The following CIB1 variants were observed in gnomAD, a reference collection of about 807,000 sequenced individuals.
CIB1 encodes calcium and integrin-binding protein 1.
Under a neutral mutation model 25.0 loss-of-function variants are expected in CIB1, and 19 were observed. The ratio of observed to expected loss-of-function variants is 0.76; its 90% CI spans 0.53 to 1.12. CIB1 has a LOEUF of 1.12. Among genes scored for constraint, CIB1 ranks in the 50% most tolerant of loss-of-function variants. CIB1 has a pLI of 0.00. For synonymous variants in CIB1, 104 were observed against 98.5 expected (o/e 1.06, Z -0.33); for missense variants, 236 against 242.6 (o/e 0.97, Z 0.18).
chr15:90,262,918 G>C, the CIB1 span: 2,391 of 1,514,252 alleles, frequency 1.6e-3, 24 homozygotes, highest in African/African-American at 0.028. Flanking sequence ...GTGATGGTTT[G>C]GGACTTATCC....
At chr15:90,253,341 C>A in the CIB1 span, 1 of 1,613,182 alleles carries the variant, frequency 6.2e-7, no homozygotes, top group Admixed American at 1.7e-5. Flanking sequence ...CTCACTGGAA[C>A]GAGTCATGGA....
chr15:90,258,234 T>C, the CIB1 span: 1 of 1,614,232 alleles, frequency 6.2e-7, no homozygotes, highest in Non-Finnish European at 8.5e-7. Flanking sequence ...TTTTGACATC[T>C]TGCTGGACCA....
At chr15:90,241,292 G>C in the CIB1 span, 3 of 1,614,158 alleles carry the variant, frequency 1.9e-6, no homozygotes, top group Non-Finnish European at 2.5e-6. Flanking sequence ...ACTTCAACAA[G>C]ATCCGGCCCG....
chr15:90,231,273 A>C, intron 4 of CIB1, 60 bp from the exon 5 acceptor site: 35 of 1,607,910 alleles, frequency 2.2e-5, no homozygotes, highest in Non-Finnish European at 2.8e-5. Context: ...AGGTTCCCCA[A>C]ACGGCGCCCA....
chr15:90,248,049 GT>G, the CIB1 span, among the ~76,000 whole-genome samples: 1 of 151,624 alleles, frequency 6.6e-6, no homozygotes, highest in African/African-American at 2.4e-5. Flanking sequence ...CCAGATATTT[GT>G]TTTTTTAAAT....
chr15:90,248,515 G>T, the CIB1 span, among the ~76,000 whole-genome samples: 2 of 151,838 alleles, frequency 1.3e-5, no homozygotes, highest in Non-Finnish European at 2.9e-5. Context: ...AGGAGTTCAA[G>T]ATCAGCCTGG....
rs937264046 is a variant in CIB1, at chr15:90,230,389, T to C, written c.*95A>G. 8.3e-6 allele frequency: 12 copies of C among 1,447,594 alleles called. No individual in the cohort carries two copies. Among genetic ancestry groups the C allele is most frequent in the Admixed American group, 2.0e-5 (1 of 49,706 alleles). The allele number at this position is 1,447,594 out of a possible 1,614,324, so 89.7% of individuals were successfully genotyped here. A position where few individuals can be genotyped will look rare whatever the true frequency, so the allele number is the denominator to read the frequency against. The stretch of plus-strand genomic sequence containing the variant: ...AGCGCCAGCTCCAGGCTGGGCCAGC[T>C]TGGCCCGCACTGGCAACACAGGCTT... On this transcript the variant is annotated 3_prime_UTR_variant, in exon 7 of 7. Coordinates refer to ENST00000328649, the MANE Select transcript of CIB1 (RefSeq NM_006384.4).
At chr15:90,262,784 C>T in the CIB1 span, 3 of 1,222,348 alleles carry the variant, frequency 2.5e-6, no homozygotes, top group African/African-American at 4.6e-5. Flanking sequence ...GAGAGGAGTT[C>T]CTAATCAGTA....
At chr15:90,243,655 T>TG in the CIB1 span, 16 of 89,286 alleles carry the variant, frequency 1.8e-4, no homozygotes, top group Non-Finnish European at 3.8e-4. Flanking sequence ...TTTTTTTTTT[T>TG]TTTTTTTTTT....
At chr15:90,256,021 G>C in the CIB1 span, 2 of 1,556,834 alleles carry the variant, frequency 1.3e-6, no homozygotes, top group Non-Finnish European at 1.7e-6. Flanking sequence ...TCAAAGAAAA[G>C]AGGGTCTGAG....
chr15:90,242,193 T>G, the CIB1 span: 1 of 697,288 alleles, frequency 1.4e-6, no homozygotes, highest in African/African-American at 1.8e-5. Flanking sequence ...GCTGAAGTGA[T>G]CCTCCCACCT....
chr15:90,251,868 T>C, the CIB1 span, among the ~76,000 whole-genome samples: 2 of 151,244 alleles, frequency 1.3e-5, no homozygotes, highest in African/African-American at 2.4e-5. Flanking sequence ...GCCCCACCCT[T>C]CCCAGATTTT....
chr15:90,250,674 A>G, the CIB1 span: 1 of 1,614,154 alleles, frequency 6.2e-7, no homozygotes, highest in Non-Finnish European at 8.5e-7. Context: ...GAGGAAGACT[A>G]TGTTGAGGAA....
the CIB1 span, chr15:90,245,872 T>C: frequency 6.6e-6 from 1 of 152,198 alleles, no homozygotes; most frequent in Non-Finnish European, 1.5e-5. Flanking sequence ...TGCAGCTTTT[T>C]CTACTGAGTA....
chr15:90,264,909 CG>C, the CIB1 span: 1 of 1,536,102 alleles, frequency 6.5e-7, no homozygotes, highest in Non-Finnish European at 8.7e-7. Flanking sequence ...CTCTGCCCTG[CG>C]TCTGCACCCA....
rs775594329 is a variant in CIB1, at chr15:90,231,380, G to A, written c.323C>T (p.Ser108Phe). The A allele has an allele frequency of 5.4e-5, 87 of 1,614,084 alleles. 1 individual carries two copies. Among genetic ancestry groups the A allele is most frequent in the Non-Finnish European group, 6.8e-5 (80 of 1,180,024 alleles). The stretch of plus-strand genomic sequence containing the variant: ...ACCAAAGATGCGGAAGGCATAATGG[G>A]ACTTGATGTCTGGCGTGGCTGTGTC... The part of the protein sequence containing the change: ...FSDTATPDIK[S>F]HYAFRIFDFD... Residue 108 changes from serine (S) to phenylalanine (F), a missense_variant, in exon 4 of 7, where the codon TCC becomes TTC. Coordinates refer to ENST00000328649, the MANE Select transcript of CIB1 (RefSeq NM_006384.4).
the CIB1 span, among the ~76,000 whole-genome samples, chr15:90,252,730 C>T: frequency 2.6e-5 from 4 of 152,144 alleles, no homozygotes; most frequent in East Asian, 1.9e-4. Flanking sequence ...CAGCTGGGCA[C>T]GGTGGCTCAT....
intron 2 of CIB1, 143 bp downstream of exon 2, chr15:90,233,526 C>G: frequency 9.2e-7 from 1 of 1,084,824 alleles, no homozygotes; most frequent in Non-Finnish European, 1.4e-6. Context: ...GAGGAGGGCG[C>G]AGCCCGGGCT....
At chr15:90,233,642 G>T (rs1440429393) in intron 2 of CIB1, 27 bp downstream of exon 2, 2 of 1,567,720 alleles carry the variant, frequency 1.3e-6, no homozygotes, top group South Asian at 2.3e-5. Context: ...TCCCGGGGTC[G>T]GAGGCAGGGT....
Sources: gnomAD v4.1 joint callset for allele counts (sites outside exome capture counted in the v4.1 genomes callset) on GRCh38, gnomAD v4.1.1 for gene constraint, MANE v1.5 for transcripts, NCBI Gene and HGNC (gene_info 2026-07-23, HGNC 2026-07-21) for gene names.